The following TTC36 variants were observed in gnomAD, a reference collection of about 807,000 sequenced individuals.
TTC36 encodes the protein tetratricopeptide repeat protein 36.
A neutral mutation model predicts 17.5 loss-of-function variants in TTC36; 15 were observed. The ratio of observed to expected loss-of-function variants is 0.86; its 90% CI spans 0.57 to 1.32. The LOEUF (loss-of-function observed/expected upper bound fraction) is 1.32, where lower values mean the gene tolerates loss of function less well. Among genes scored for constraint, TTC36 ranks in the 40% most tolerant of loss-of-function variants. The probability of loss-of-function intolerance (pLI) is 0.00; values close to 1 mark genes in which losing one functional copy is unlikely to be tolerated. For missense variants in TTC36, 292 were observed against 260.9 expected (o/e 1.12, Z -0.82); for synonymous variants, 112 against 109.8 (o/e 1.02, Z -0.13).
intron 2 of TTC36, among the ~76,000 whole-genome samples, chr11:118,529,261 G>A (rs1951149293): frequency 6.6e-6 from 1 of 152,218 alleles, no homozygotes; most frequent in Admixed American, 6.5e-5. Context: ...GCAGAGCTGG[G>A]ATGTCAACCA....
intron 1 of TTC36, among the ~76,000 whole-genome samples, chr11:118,528,382 C>G (rs1951125496): frequency 6.6e-6 from 1 of 152,128 alleles, no homozygotes; most frequent in Non-Finnish European, 1.5e-5. Flanking sequence ...CAATGGGGAA[C>G]CAACCAAGGC....
chr11:118,529,834 A>T (rs1156932014), intron 2 of TTC36, among the ~76,000 whole-genome samples: 1 of 152,218 alleles, frequency 6.6e-6, no homozygotes, highest in African/African-American at 2.4e-5. Context: ...CTGCATTCTG[A>T]GCGCTTCTCC....
chr11:118,529,905 A>AAGCC (rs748567936), intron 2 of TTC36, among the ~76,000 whole-genome samples: 4 of 152,232 alleles, frequency 2.6e-5, no homozygotes, highest in Non-Finnish European at 5.9e-5. Context: ...AGCCCGAAAG[A>AAGCC]AGCCAGCCTG....
chr11:118,527,820 G>A (rs573475001), intron 1 of TTC36: 15 of 643,560 alleles, frequency 2.3e-5, no homozygotes, highest in African/African-American at 5.3e-5. Context: ...TTTGTCTCTC[G>A]ATCCATCAGC....
At position 118,530,978 on chromosome 11, in the gene TTC36, C is replaced by T; in HGVS notation, c.*62C>T. The stretch of plus-strand genomic sequence containing the variant: ...GGACTGGGCCCTGAACCAATAAAGC[C>T]GTCGGGCCTCACCGACTCCGCCTGC... On this transcript the variant is annotated 3_prime_UTR_variant, in exon 3 of 3. Transcript: ENST00000302783. This position sits in a 1 kb window ranked among gnomAD's most constrained non-coding sequence, Gnocchi z 5.8. The T allele has an allele frequency of 2.8e-6, 4 of 1,421,248 alleles. No homozygotes were observed. Among genetic ancestry groups the T allele is most frequent in the Non-Finnish European group, 3.6e-6 (4 of 1,099,062 alleles). The allele number at this position is 1,421,248 out of a possible 1,614,324, so 88.0% of individuals were successfully genotyped here.
chr11:118,528,869 T>C, intron 2 of TTC36, 78 bp downstream of exon 2: 1 of 1,397,620 alleles, frequency 7.2e-7, no homozygotes, highest in Non-Finnish European at 9.6e-7. Context: ...GCTGTGCGGC[T>C]GGGGTGGCCT....
Position 118,530,482 on chromosome 11 carries a change from TA to T in TTC36, c.308-170del. ...AACTCTTCCACAGTCTTCATCTGTGTAATGGGAATAACGATCCGTACCTCTA... is the reference window on the plus strand; with the variant it reads ...AACTCTTCCACAGTCTTCATCTGTGTATGGGAATAACGATCCGTACCTCTA... On this transcript the variant is annotated intron_variant, in intron 2 of 2. Coordinates refer to ENST00000302783, the MANE Select transcript of TTC36 (RefSeq NM_001080441.4). The surrounding 1 kb of genome is among the most constrained non-coding windows in gnomAD (Gnocchi z 5.8). 2.9e-6 allele frequency: 2 copies of T among 696,110 alleles called. No homozygotes were observed. The highest frequency in any genetic ancestry group is 4.2e-6 in the Non-Finnish European group (2 of 472,602). 43.1% of individuals were successfully genotyped at this position (696,110 alleles called of 1,614,324 possible). A position where few individuals can be genotyped will look rare whatever the true frequency, so the allele number is the denominator to read the frequency against.
chr11:118,529,615 A>G (rs1412148909), intron 2 of TTC36, among the ~76,000 whole-genome samples: 3 of 152,242 alleles, frequency 2.0e-5, no homozygotes, highest in Non-Finnish European at 4.4e-5. Flanking sequence ...AGCAGTGGTG[A>G]CACAGGTGCT....
intron 1 of TTC36, chr11:118,527,924 A>G (rs1951115113): frequency 4.1e-6 from 2 of 486,232 alleles, no homozygotes; most frequent in Admixed American, 2.3e-5. Context: ...CATAACAGAG[A>G]ATACCACCAC....
chr11:118,530,365 T>C lies in TTC36; in HGVS notation c.308-289T>C, dbSNP rs1331080667. On this transcript the variant is annotated intron_variant, in intron 2 of 2. Coordinates refer to ENST00000302783, the MANE Select transcript of TTC36 (RefSeq NM_001080441.4). The surrounding 1 kb of genome is among the most constrained non-coding windows in gnomAD (Gnocchi z 5.8). ...ATTCAGAATCCTGCAACGTTCATGTTTTCGTGTATTAGCGGTGGAAAATAA... is the reference window on the plus strand; with the variant it reads ...ATTCAGAATCCTGCAACGTTCATGTCTTCGTGTATTAGCGGTGGAAAATAA... The C allele has an allele frequency of 5.4e-6, 2 of 370,910 alleles. No homozygotes were observed. The highest frequency in any genetic ancestry group is 4.8e-6 in the Non-Finnish European group (1 of 209,600). The allele number at this position is 370,910 out of a possible 1,614,324, so 23.0% of individuals were successfully genotyped here.
chr11:118,528,551 T>C, intron 1 of TTC36, 52 bp from the exon 2 acceptor site: 20 of 1,495,416 alleles, frequency 1.3e-5, no homozygotes, highest in Non-Finnish European at 1.8e-5. Flanking sequence ...TGGCTTTTTC[T>C]TCTTGCTACC....
chr11:118,530,766 C>G lies in TTC36; in HGVS notation c.420C>G (p.Asp140Glu). The G allele has an allele frequency of 1.3e-6, 2 of 1,507,254 alleles. No homozygotes were observed. The highest frequency in any genetic ancestry group is 1.8e-6 in the Non-Finnish European group (2 of 1,137,306). The allele number at this position is 1,507,254 out of a possible 1,614,324, so 93.4% of individuals were successfully genotyped here. A position where few individuals can be genotyped will look rare whatever the true frequency, so the allele number is the denominator to read the frequency against. Residue 140 changes from aspartate to glutamate, a missense_variant, in exon 3 of 3, where the codon GAC becomes GAG. Transcript: ENST00000302783. The surrounding 1 kb of genome is among the most constrained non-coding windows in gnomAD (Gnocchi z 5.8). ...GLLARLQGRD[D>E]DARRDFERAA... ...TGGCGCGGCTGCAGGGCCGAGACGA[C>G]GACGCCCGCAGGGACTTCGAGAGGG...
At chr11:118,527,740 G>T in intron 1 of TTC36, 128 bp downstream of exon 1, 2 of 764,694 alleles carry the variant, frequency 2.6e-6, no homozygotes, top group Non-Finnish European at 4.7e-6. Context: ...GAATCAGAGA[G>T]GTTGGCTGCT....
chr11:118,530,217 A>AT lies in TTC36; in HGVS notation c.308-431dup, dbSNP rs1445643940. On this transcript the variant is annotated intron_variant, in intron 2 of 2. Coordinates refer to ENST00000302783, the MANE Select transcript of TTC36 (RefSeq NM_001080441.4). The surrounding 1 kb of genome is among the most constrained non-coding windows in gnomAD (Gnocchi z 5.8). Reference sequence around the variant, plus strand: ...AAGAAATGATTGTGCGGTTAATATTATTTTTTGAACCCTGACATTCAGAGT... The same window carrying AT: ...AAGAAATGATTGTGCGGTTAATATTATTTTTTTGAACCCTGACATTCAGAGT... 1.3e-5 allele frequency among the ~76,000 whole-genome samples: 2 copies of AT among 152,224 alleles called. No individual in the cohort carries two copies. Among genetic ancestry groups the AT allele is most frequent in the African/African-American group, 4.8e-5 (2 of 41,458 alleles).
chr11:118,529,904 G>T (rs1951172570), intron 2 of TTC36, among the ~76,000 whole-genome samples: 1 of 152,242 alleles, frequency 6.6e-6, no homozygotes, highest in Non-Finnish European at 1.5e-5. Context: ...GAGCCCGAAA[G>T]AAGCCAGCCT....
intron 1 of TTC36, 28 bp downstream of exon 1, chr11:118,527,640 T>G: frequency 3.2e-6 from 5 of 1,565,384 alleles, no homozygotes; most frequent in Non-Finnish European, 4.4e-6. Context: ...AGTGTAGCTC[T>G]GCACATAGGC....
At chr11:118,529,651 G>C (rs548589049) in intron 2 of TTC36, among the ~76,000 whole-genome samples, 11 of 152,296 alleles carry the variant, frequency 7.2e-5, no homozygotes, top group African/African-American at 2.6e-4. Context: ...GCCAGGCTAG[G>C]GAGTTTTGAG....
chr11:118,527,758 G>A (rs1273145157), intron 1 of TTC36, 146 bp downstream of exon 1: 10 of 731,518 alleles, frequency 1.4e-5, no homozygotes, highest in Middle Eastern at 2.4e-4. Flanking sequence ...GCTCCTTAGC[G>A]CACTGATGGG....
At chr11:118,528,824 G>A (rs782633543) in intron 2 of TTC36, 33 bp downstream of exon 2, 8 of 1,557,574 alleles carry the variant, frequency 5.1e-6, no homozygotes, top group Non-Finnish European at 7.0e-6. Context: ...CTCTGCAAAA[G>A]GGCCCACGGG....
Sources: gnomAD v4.1 joint callset for allele counts (sites outside exome capture counted in the v4.1 genomes callset) on GRCh38, gnomAD v4.1.1 for gene constraint, Gnocchi (gnomAD v3.1) non-coding constraint, MANE v1.5 for transcripts, NCBI Gene and HGNC (gene_info 2026-07-23, HGNC 2026-07-21) for gene names.